Variants in RRAS2 observed in about 807,000 individuals in gnomAD.
RRAS2 encodes RAS related 2, also known as ras-related protein R-Ras2.
In RRAS2, 7 loss-of-function variants were observed where a neutral mutation model predicts 27.6. The observed-to-expected ratio is 0.25, with a 90% CI of 0.14 to 0.48. The LOEUF is 0.48. Among genes scored for constraint, RRAS2 ranks in the 20% least tolerant of loss-of-function variants. The pLI, the probability that RRAS2 is intolerant of heterozygous loss-of-function variation, is 0.99. For missense variants in RRAS2, 178 were observed against 256.2 expected, an observed-to-expected ratio of 0.69 and a Z score of 2.08; for synonymous variants, 86 against 90.9, an observed-to-expected ratio of 0.95 and a Z score of 0.31.
chr11:14,295,769 A>G lies in RRAS2; in HGVS notation c.195T>C (p.Asp65=), dbSNP rs1847529671. ...CVIDDRAARL[D]ILDTAGQEEF... is the part of the protein sequence containing the mutation. Reference sequence around the variant, plus strand: ...ATCAAACAAAGGAAGTTTACTTACTATCTAGCCGGGCTGCTCTGTCATCTA... The same window carrying G: ...ATCAAACAAAGGAAGTTTACTTACTGTCTAGCCGGGCTGCTCTGTCATCTA... Residue 65 remains aspartate (D), a splice_region_variant and synonymous_variant, in exon 2 of 6, where the codon GAT becomes GAC. Transcript: ENST00000256196. 3.7e-6 allele frequency: 6 copies of G among 1,602,542 alleles called. No homozygotes were observed. The Admixed American group carries it at 5.1e-5, about 14-fold the overall frequency.
At position 14,341,979 on chromosome 11, in the gene RRAS2, T is replaced by G. The variant is rs535665658; in HGVS notation, c.108+16784A>C. 3.3e-5 allele frequency: 16 copies of G among 480,032 alleles called. No homozygotes were observed. The South Asian group carries it at 3.7e-4, about 11-fold the overall frequency. The allele number at this position is 480,032 out of a possible 1,614,324, so 29.7% of individuals were successfully genotyped here. Reference sequence around the variant, plus strand: ...AACATTAGTAATCATATGATAGTATTCCTAAACTACGTTTTGGAGAGGACA... The same window carrying G: ...AACATTAGTAATCATATGATAGTATGCCTAAACTACGTTTTGGAGAGGACA... On this transcript the variant is annotated intron_variant, in intron 1 of 5. Coordinates refer to ENST00000256196, the MANE Select transcript of RRAS2 (RefSeq NM_012250.6).
At chr11:14,279,542 C>G (rs1320439650) in intron 5 of RRAS2, 118 bp from the exon 6 acceptor site, 1 of 763,640 alleles carries the variant, frequency 1.3e-6, no homozygotes, top group Non-Finnish European at 2.2e-6. Context: ...TGTTAAACTT[C>G]AACGAGGGAA....
chr11:14,315,541 G>T (rs1591466034), intron 1 of RRAS2, among the ~76,000 whole-genome samples: 3 of 152,294 alleles, frequency 2.0e-5, no homozygotes, highest in Admixed American at 2.0e-4. Context: ...TCAGAAAAAG[G>T]ACATTAGGTA....
At chr11:14,344,210 T>C (rs1848781215) in intron 1 of RRAS2, among the ~76,000 whole-genome samples, 1 of 152,224 alleles carries the variant, frequency 6.6e-6, no homozygotes, top group African/African-American at 2.4e-5. Flanking sequence ...CATGCCATTA[T>C]CTGAAAATAA....
chr11:14,337,885 G>A (rs1455065002), intron 1 of RRAS2, among the ~76,000 whole-genome samples: 1 of 152,060 alleles, frequency 6.6e-6, no homozygotes, highest in African/African-American at 2.4e-5. Context: ...TGCCAGAAGG[G>A]CCACCCTAAA....
Position 14,358,989 on chromosome 11 carries a change from G to A in RRAS2, c.-119C>T, listed in dbSNP as rs1357138823. 2.6e-6 allele frequency: 3 copies of A among 1,145,522 alleles called. No homozygotes were observed. The highest frequency in any genetic ancestry group is 3.2e-6 in the Non-Finnish European group (3 of 933,508). The allele number at this position is 1,145,522 out of a possible 1,614,324, so 71.0% of individuals were successfully genotyped here. On this transcript the variant is annotated 5_prime_UTR_variant, in exon 1 of 6. Coordinates refer to ENST00000256196, the MANE Select transcript of RRAS2 (RefSeq NM_012250.6). The surrounding 1 kb of genome is among the most constrained non-coding windows in gnomAD (Gnocchi z 5.1). ...GGGCGAGCGGCCGGGCTGGGGTCCC[G>A]GGTACCGGGAGGCGTCTGGAGGGCC...
At position 14,351,939 on chromosome 11, in the gene RRAS2, G is replaced by A. The variant is rs1042263047; in HGVS notation, c.108+6824C>T. ...AAGACAGCAAATGCCCTGGTTTTTC[G>A]GAAATACACAAAGAGATATTTAAGG... On this transcript the variant is annotated intron_variant, in intron 1 of 5. Transcript: ENST00000256196. Among the ~76,000 whole-genome samples the A allele has an allele frequency of 2.0e-5, 3 of 150,266 alleles. No individual in the cohort carries two copies. In the East Asian group the frequency reaches 5.8e-4, roughly 29 times the overall value.
intron 1 of RRAS2, among the ~76,000 whole-genome samples, chr11:14,346,512 GT>G (rs1848833632): frequency 6.6e-6 from 1 of 152,174 alleles, no homozygotes; most frequent in Non-Finnish European, 1.5e-5. Flanking sequence ...GACCTCTACT[GT>G]TATAACACAA....
chr11:14,291,741 C>A (rs1445021178), intron 4 of RRAS2, among the ~76,000 whole-genome samples: 1 of 151,962 alleles, frequency 6.6e-6, no homozygotes, highest in East Asian at 1.9e-4. Flanking sequence ...ACAAACAAAG[C>A]CAGTGCCACA....
chr11:14,300,031 G>GAA (rs369617879), intron 1 of RRAS2, among the ~76,000 whole-genome samples: 4 of 151,834 alleles, frequency 2.6e-5, no homozygotes, highest in African/African-American at 9.7e-5. Context: ...AGCAGAAAGA[G>GAA]AAAAAAAGAG....
chr11:14,348,988 T>C (rs1848894098), intron 1 of RRAS2, among the ~76,000 whole-genome samples: 1 of 152,124 alleles, frequency 6.6e-6, no homozygotes, highest in Non-Finnish European at 1.5e-5. Flanking sequence ...GTTTTTGAGA[T>C]AGAGTCTCGC....
At chr11:14,335,690 T>G (rs1481139445) in intron 1 of RRAS2, among the ~76,000 whole-genome samples, 3 of 152,204 alleles carry the variant, frequency 2.0e-5, no homozygotes, top group Non-Finnish European at 4.4e-5. Flanking sequence ...CATAAGACTC[T>G]GAAAGTTTGA....
Position 14,316,916 on chromosome 11 carries a change from T to C in RRAS2, c.109-21061A>G, listed in dbSNP as rs554586733. On this transcript the variant is annotated intron_variant, in intron 1 of 5. Coordinates refer to ENST00000256196, the MANE Select transcript of RRAS2 (RefSeq NM_012250.6). ...TTCCTGCCTTCAAGGAGTCTACTTA[T>C]AGTCAAGTAGGAGGCAAGACAAGAG... 3.9e-5 allele frequency among the ~76,000 whole-genome samples: 6 copies of C among 152,318 alleles called. No individual in the cohort carries two copies. In the East Asian group the frequency reaches 7.7e-4, roughly 20 times the overall value.
intron 1 of RRAS2, among the ~76,000 whole-genome samples, chr11:14,335,687 C>T (rs1199609444): frequency 6.6e-6 from 1 of 151,994 alleles, no homozygotes; most frequent in African/African-American, 2.4e-5. Context: ...AAACATAAGA[C>T]TCTGAAAGTT....
intron 1 of RRAS2, among the ~76,000 whole-genome samples, chr11:14,334,261 A>T (rs1848544916): frequency 1.3e-5 from 2 of 152,278 alleles, no homozygotes; most frequent in African/African-American, 4.8e-5. Context: ...GATAATTTAA[A>T]AATCGTTTAT....
At chr11:14,292,258 A>T (rs1847419085) in intron 4 of RRAS2, among the ~76,000 whole-genome samples, 1 of 151,218 alleles carries the variant, frequency 6.6e-6, no homozygotes, top group African/African-American at 2.4e-5. Context: ...TCCCTTCCCT[A>T]ATCTGCCACT....
At chr11:14,345,158 G>GT (rs1848803744) in intron 1 of RRAS2, among the ~76,000 whole-genome samples, 1 of 151,744 alleles carries the variant, frequency 6.6e-6, no homozygotes, top group African/African-American at 2.4e-5. Context: ...AGCTAATTTT[G>GT]TATTTTTAGT....
At chr11:14,339,249 C>A (rs1188641365) in intron 1 of RRAS2, among the ~76,000 whole-genome samples, 1 of 130,464 alleles carries the variant, frequency 7.7e-6, no homozygotes, top group African/African-American at 3.0e-5. Context: ...CGAGACCAGC[C>A]TGGGCAACAC....
At chr11:14,344,419 T>C (rs1207539560) in intron 1 of RRAS2, among the ~76,000 whole-genome samples, 2 of 152,222 alleles carry the variant, frequency 1.3e-5, no homozygotes, top group Non-Finnish European at 2.9e-5. Flanking sequence ...CCTACTTGCA[T>C]GGGGCAAATT....
Sources: gnomAD v4.1 joint callset for allele counts (sites outside exome capture counted in the v4.1 genomes callset) on GRCh38, gnomAD v4.1.1 for gene constraint, Gnocchi (gnomAD v3.1) non-coding constraint, MANE v1.5 for transcripts, NCBI Gene and HGNC (gene_info 2026-07-23, HGNC 2026-07-21) for gene names.